The following MAN2C1 variants were observed in gnomAD, a reference collection of about 807,000 sequenced individuals.
MAN2C1 encodes the protein mannosidase alpha class 2C member 1.
Under a neutral mutation model 126.9 loss-of-function variants are expected in MAN2C1, and 111 were observed. The observed-to-expected ratio is 0.87, with a 90% CI of 0.75 to 1.02. The LOEUF is 1.02. Among genes scored for constraint, MAN2C1 ranks in the 50% least tolerant of loss-of-function variants. The probability of loss-of-function intolerance (pLI) is 0.00; values close to 1 mark genes in which losing one functional copy is unlikely to be tolerated. For synonymous variants in MAN2C1, 567 were observed against 561.5 expected (o/e 1.01, Z -0.14); for missense variants, 1,363 against 1,364.4 (o/e 1.00, Z 0.02).
chr15:75,366,446 T>C, intron 4 of MAN2C1, 76 bp downstream of exon 4: 1 of 1,260,990 alleles, frequency 7.9e-7, no homozygotes. Flanking sequence ...ATGAGATCAC[T>C]CTGGGCCTCA....
Position 75,362,154 on chromosome 15 carries a change from C to T in MAN2C1, c.1008+189G>A. On this transcript the variant is annotated intron_variant, in intron 8 of 25. Coordinates refer to ENST00000267978, the MANE Select transcript of MAN2C1 (RefSeq NM_006715.4). This position sits in a 1 kb window ranked among gnomAD's most constrained non-coding sequence, Gnocchi z 4.5. Reference sequence around the variant, plus strand: ...CAGGACTAGGCCATGCAACTTGTCACAGCGCTGGAGGCTCTCCTCCCCCTT... The same window carrying T: ...CAGGACTAGGCCATGCAACTTGTCATAGCGCTGGAGGCTCTCCTCCCCCTT... 1 of 663,722 alleles carries T rather than the reference C, an allele frequency of 1.5e-6. No homozygotes were observed. Among genetic ancestry groups the T allele is most frequent in the Non-Finnish European group, 2.6e-6 (1 of 382,552 alleles). The allele number at this position is 663,722 out of a possible 1,614,324, so 41.1% of individuals were successfully genotyped here.
rs185872654 is a variant in MAN2C1, at chr15:75,362,272, G to C, written c.1008+71C>G. Reference sequence around the variant, plus strand: ...CCGTGGAAACTCACCAGCAAAGCCGGGAGGGCGGGGCTACCTGAGGGAAGG... The same window carrying C: ...CCGTGGAAACTCACCAGCAAAGCCGCGAGGGCGGGGCTACCTGAGGGAAGG... On this transcript the variant is annotated intron_variant, in intron 8 of 25. Coordinates refer to ENST00000267978, the MANE Select transcript of MAN2C1 (RefSeq NM_006715.4). This position sits in a 1 kb window ranked among gnomAD's most constrained non-coding sequence, Gnocchi z 4.5. 3.5e-3 allele frequency: 4,861 copies of C among 1,390,946 alleles called. 269 individuals are homozygous for C. In the Admixed American group the frequency reaches 0.082, roughly 23 times the overall value. The allele number at this position is 1,390,946 out of a possible 1,614,324, so 86.2% of individuals were successfully genotyped here. A position where few individuals can be genotyped will look rare whatever the true frequency, so the allele number is the denominator to read the frequency against.
In MAN2C1 at chr15:75,360,568, G is replaced by A. The variant is rs7172492; in HGVS notation, c.1581C>T (p.Ala527=). Residue 527 remains alanine, a synonymous_variant, in exon 13 of 26, where the codon GCC becomes GCT. Coordinates refer to ENST00000267978, the MANE Select transcript of MAN2C1 (RefSeq NM_006715.4). Reference sequence around the variant, plus strand: ...AGCCCTGCAACCTCCCCCTGACCTGGGCATGGGTGGTGTATGTGCCATTGT... The same window carrying A: ...AGCCCTGCAACCTCCCCCTGACCTGAGCATGGGTGGTGTATGTGCCATTGT... ...ELHNGTYTTH[A]QIKKGNRECE... is the part of the protein sequence containing the mutation. The A allele has an allele frequency of 2.4e-5, 39 of 1,613,578 alleles. No homozygotes were observed. In the African/African-American group the frequency reaches 4.9e-4, roughly 20 times the overall value.
chr15:75,363,522 G>T (rs2072517675), intron 6 of MAN2C1, among the ~76,000 whole-genome samples: 1 of 152,148 alleles, frequency 6.6e-6, no homozygotes, highest in Admixed American at 6.5e-5. Context: ...AAGAATAAAT[G>T]AGGCTGGGCA....
intron 21 of MAN2C1, chr15:75,357,116 T>C (rs941021001): frequency 1.0e-5 from 6 of 575,406 alleles, no homozygotes; most frequent in Non-Finnish European, 1.5e-5. Context: ...ACTCACCCCA[T>C]CGAATGATCA....
Position 75,360,565 on chromosome 15 carries a change from C to G in MAN2C1, c.1584G>C (p.Gln528His). 1.9e-6 allele frequency: 3 copies of G among 1,613,652 alleles called. No individual in the cohort carries two copies. The highest frequency in any genetic ancestry group is 2.7e-5 in the African/African-American group (2 of 75,054). ...LHNGTYTTHAQIKKGNRECER... is the reference protein window; with the variant it reads ...LHNGTYTTHAHIKKGNRECER... ...CACAGCCCTGCAACCTCCCCCTGACCTGGGCATGGGTGGTGTATGTGCCAT... is the reference window on the plus strand; with the variant it reads ...CACAGCCCTGCAACCTCCCCCTGACGTGGGCATGGGTGGTGTATGTGCCAT... Residue 528 changes from glutamine to histidine, a missense_variant and splice_region_variant, in exon 13 of 26, where the codon CAG becomes CAC. By Grantham distance (24) the Gln-to-His change is conservative. Around this residue, in one of 3 missense-constraint regions of MAN2C1, gnomAD observed 67 missense variants for 104.5 expected, o/e 0.64. Transcript: ENST00000267978.
In MAN2C1 at chr15:75,364,535, C is replaced by T. The variant is rs767077398; in HGVS notation, c.553G>A (p.Val185Ile). ...RAELAVFHRDVHMLLVDLELL... is the reference protein window; with the variant it reads ...RAELAVFHRDIHMLLVDLELL... Reference sequence around the variant, plus strand: ...TCCAGATCCACCAGGAGCATGTGGACATCCCGGTGGAACACAGCTAGCTCA... The same window carrying T: ...TCCAGATCCACCAGGAGCATGTGGATATCCCGGTGGAACACAGCTAGCTCA... Residue 185 changes from valine to isoleucine, a missense_variant, in exon 5 of 26, where the codon GTC becomes ATC. Val to Ile is a conservative substitution (Grantham distance 29). Coordinates refer to ENST00000267978, the MANE Select transcript of MAN2C1 (RefSeq NM_006715.4). 2.7e-5 allele frequency: 44 copies of T among 1,606,788 alleles called. No individual in the cohort carries two copies. The highest frequency in any genetic ancestry group is 3.6e-5 in the Non-Finnish European group (42 of 1,176,606).
chr15:75,358,901 G>A (rs755800103), intron 18 of MAN2C1, 93 bp from the exon 19 acceptor site: 18 of 1,355,872 alleles, frequency 1.3e-5, no homozygotes, highest in Non-Finnish European at 1.9e-5. Flanking sequence ...TAGACCCAGT[G>A]GACAGGGGAC....
chr15:75,358,127 C>A (rs2072374995), intron 21 of MAN2C1, 74 bp downstream of exon 21: 1 of 1,563,238 alleles, frequency 6.4e-7, no homozygotes, highest in Middle Eastern at 1.7e-4. Flanking sequence ...CTCTTCCTCC[C>A]CAGCCTGTTC....
Position 75,356,214 on chromosome 15 carries a change from C to T in MAN2C1, c.2892G>A (p.Glu964=), listed in dbSNP as rs2072290253. ...AVVLETVKQA[E]SSPQRRSLVL... Reference sequence around the variant, plus strand: ...CCAGCGAGCGGCGCTGGGGGCTGCTCTCCGCCTGCAGAGGAACACGTCTGG... The same window carrying T: ...CCAGCGAGCGGCGCTGGGGGCTGCTTTCCGCCTGCAGAGGAACACGTCTGG... Residue 964 remains glutamate (E), a synonymous_variant, in exon 25 of 26, where the codon GAG becomes GAA. Transcript: ENST00000267978. The surrounding 1 kb of genome is among the most constrained non-coding windows in gnomAD (Gnocchi z 5.8). 2 of 1,613,006 alleles carry T rather than the reference C, an allele frequency of 1.2e-6. No individual in the cohort carries two copies. Among genetic ancestry groups the T allele is most frequent in the African/African-American group, 2.7e-5 (2 of 74,904 alleles).
intron 4 of MAN2C1, chr15:75,365,958 ACACCTGTAAT>A: frequency 2.3e-6 from 1 of 430,560 alleles, no homozygotes; most frequent in South Asian, 1.6e-5. Context: ...GTGGTGGCAC[ACACCTGTAAT>A]CCCTGCTACT....
At position 75,355,811 on chromosome 15, in the gene MAN2C1, T is replaced by C. The variant is rs1205336738; in HGVS notation, c.*95A>G. 5 of 1,476,982 alleles carry C rather than the reference T, an allele frequency of 3.4e-6. No homozygotes were observed. The African/African-American group carries it at 7.1e-5, about 21-fold the overall frequency. The allele number at this position is 1,476,982 out of a possible 1,614,324, so 91.5% of individuals were successfully genotyped here. ...GCAGGGTTCCCGATCCAAGGATTTA[T>C]TCCACAAGAAAAGACTGATCCCTGC... On this transcript the variant is annotated 3_prime_UTR_variant, in exon 26 of 26. Transcript: ENST00000267978.
chr15:75,359,828 T>C (rs528314200), intron 15 of MAN2C1, 53 bp from the exon 16 acceptor site: 1 of 1,612,588 alleles, frequency 6.2e-7, no homozygotes, highest in East Asian at 2.2e-5. Context: ...AATGTGCCCA[T>C]GGGTATCCCA....
chr15:75,361,022 A>T lies in MAN2C1; in HGVS notation c.1460+24T>A. ...TGGCAAGGGCCCAGGGTGGGGCTAA[A>T]GGAGAGCCAAGGCCTGGCCTGACCT... On this transcript the variant is annotated intron_variant, in intron 12 of 25. Transcript: ENST00000267978. The surrounding 1 kb of genome is among the most constrained non-coding windows in gnomAD (Gnocchi z 5.0). 1 of 1,598,654 alleles carries T rather than the reference A, an allele frequency of 6.3e-7. No individual in the cohort carries two copies. Among genetic ancestry groups the T allele is most frequent in the Non-Finnish European group, 8.5e-7 (1 of 1,173,276 alleles).
Position 75,362,134 on chromosome 15 carries a change from C to G in MAN2C1, c.1009-187G>C, listed in dbSNP as rs2072482734. ...CATCTGCCTGAGGGGGTGCCCAGGA[C>G]TAGGCCATGCAACTTGTCACAGCGC... On this transcript the variant is annotated intron_variant, in intron 8 of 25. Transcript: ENST00000267978. The surrounding 1 kb of genome is among the most constrained non-coding windows in gnomAD (Gnocchi z 4.5). 1.5e-6 allele frequency: 1 copy of G among 660,108 alleles called. No homozygotes were observed. The highest frequency in any genetic ancestry group is 1.8e-5 in the South Asian group (1 of 55,294). The allele number at this position is 660,108 out of a possible 1,614,324, so 40.9% of individuals were successfully genotyped here. A position where few individuals can be genotyped will look rare whatever the true frequency, so the allele number is the denominator to read the frequency against.
At chr15:75,367,972 A>AGTT in intron 2 of MAN2C1, 101 bp downstream of exon 2, 1 of 1,404,302 alleles carries the variant, frequency 7.1e-7, no homozygotes, top group South Asian at 1.3e-5. Flanking sequence ...GATCCCACGT[A>AGTT]GTTGTCTACG....
In MAN2C1 at chr15:75,356,276, G is replaced by A. The variant is rs5745935; in HGVS notation, c.2886+25C>T. ...GAGGGCAGGCCCAGTTCGGAACCCC[G>A]TCCCCAGCACGTCCCACCCCTTGCC... On this transcript the variant is annotated intron_variant, in intron 24 of 25. Transcript: ENST00000267978. This position sits in a 1 kb window ranked among gnomAD's most constrained non-coding sequence, Gnocchi z 5.8. 152,676 of 1,611,118 alleles carry A rather than the reference G, an allele frequency of 0.095. 8,333 individuals are homozygous for A. The highest frequency in any genetic ancestry group is 0.19 in the Middle Eastern group (1,159 of 5,988).
At position 75,367,517 on chromosome 15, in the gene MAN2C1, AG is replaced by A. The variant is rs749404561; in HGVS notation, c.344del (p.Pro115LeufsTer5). 6.2e-6 allele frequency: 10 copies of A among 1,613,930 alleles called. No homozygotes were observed. The highest frequency in any genetic ancestry group is 8.5e-6 in the Non-Finnish European group (10 of 1,179,958). On this transcript the variant is annotated frameshift_variant, in exon 3 of 26. Transcript: ENST00000267978. LOFTEE classifies it high-confidence loss of function. The stretch of plus-strand genomic sequence containing the variant: ...CTAGGACAGGGTTCCTCACCTGGAC[AG>A]GTTCTCCATCACGCCACACCAGACC... ...GEGLVWRDGE[P>X]VQGLTKEGEK...
chr15:75,360,221 G>C lies in MAN2C1; in HGVS notation c.1585-10C>G. The C allele has an allele frequency of 6.2e-7, 1 of 1,606,720 alleles. No homozygotes were observed. Among genetic ancestry groups the C allele is most frequent in the Admixed American group, 1.7e-5 (1 of 60,012 alleles). ...GGTTCCCCTTCTTGATCTGAGCCCAGGATGGGAAGATTAGTCTGGAGCCTG... is the reference window on the plus strand; with the variant it reads ...GGTTCCCCTTCTTGATCTGAGCCCACGATGGGAAGATTAGTCTGGAGCCTG... On this transcript the variant is annotated splice_polypyrimidine_tract_variant and intron_variant, in intron 13 of 25. Transcript: ENST00000267978.
Sources: gnomAD v4.1 joint callset for allele counts (sites outside exome capture counted in the v4.1 genomes callset) on GRCh38, gnomAD v4.1.1 for gene constraint, gnomAD v4.1.1 regional missense constraint, Gnocchi (gnomAD v3.1) non-coding constraint, MANE v1.5 for transcripts, NCBI Gene and HGNC (gene_info 2026-07-23, HGNC 2026-07-21) for gene names.